FYB2: variants seen among roughly 807,000 people sequenced by gnomAD.
FYB2 encodes FYN-binding protein 2.
FYB2 carries 103 observed loss-of-function variants against 94.1 expected under a neutral mutation model. The observed-to-expected ratio is 1.09, with a 90% CI of 0.93 to 1.29. FYB2 has a LOEUF of 1.29. Among genes scored for constraint, FYB2 ranks in the 50% most tolerant of loss-of-function variants. FYB2 has a pLI of 0.00. For missense variants in FYB2, 896 were observed against 841.5 expected (o/e 1.06, Z -0.80); for synonymous variants, 293 against 287.9 (o/e 1.02, Z -0.18).
rs144625815 is a variant in FYB2, at chr1:56,763,172, G to A, written c.1064-4422C>T. 6.2e-3 allele frequency among the ~76,000 whole-genome samples: 944 copies of A among 152,206 alleles called. 9 individuals are homozygous for A. The highest frequency in any genetic ancestry group is 0.021 in the African/African-American group (874 of 41,524). On this transcript the variant is annotated intron_variant, in intron 5 of 19. Transcript: ENST00000343433. Reference sequence around the variant, plus strand: ...GCTGAATTCTATTTGCTAATATTTTGTTGAGGAGTTTTATGACTATGCTAA... The same window carrying A: ...GCTGAATTCTATTTGCTAATATTTTATTGAGGAGTTTTATGACTATGCTAA...
intron 2 of FYB2, among the ~76,000 whole-genome samples, chr1:56,791,394 T>G (rs1229324307): frequency 6.6e-6 from 1 of 152,098 alleles, no homozygotes; most frequent in Admixed American, 6.6e-5. Context: ...TAGCTGGGAT[T>G]ACAGGCACAG....
intron 1 of FYB2, among the ~76,000 whole-genome samples, chr1:56,817,754 T>C (rs1646916834): frequency 6.6e-6 from 1 of 152,252 alleles, no homozygotes; most frequent in African/African-American, 2.4e-5. Flanking sequence ...GTGAAAGTTA[T>C]ATAATCATAT....
Position 56,719,532 on chromosome 1 carries a change from T to G in FYB2, c.*139A>C, listed in dbSNP as rs1644445656. The stretch of plus-strand genomic sequence containing the variant: ...TGAGGATTTGTTTTTATTTTTCTCT[T>G]TTAAGTTCAGAACGAAAGTTTCCAC... On this transcript the variant is annotated 3_prime_UTR_variant, in exon 20 of 20. Coordinates refer to ENST00000343433, the MANE Select transcript of FYB2 (RefSeq NM_001004303.5). 2 of 708,570 alleles carry G rather than the reference T, an allele frequency of 2.8e-6. No homozygotes were observed. The highest frequency in any genetic ancestry group is 3.4e-5 in the Admixed American group (1 of 29,640). 43.9% of individuals were successfully genotyped at this position (708,570 alleles called of 1,614,324 possible).
upstream of FYB2, among the ~76,000 whole-genome samples, chr1:56,820,434 G>A (rs1646977845): frequency 6.6e-6 from 1 of 152,174 alleles, no homozygotes; most frequent in Non-Finnish European, 1.5e-5. Context: ...CCAGTTTTGG[G>A]GCTTTCAGCT....
intron 15 of FYB2, among the ~76,000 whole-genome samples, chr1:56,727,000 G>A (rs186651232): frequency 2.5e-4 from 38 of 151,748 alleles, no homozygotes; most frequent in African/African-American, 8.2e-4. Flanking sequence ...ACTCCATTGT[G>A]AAACAAGGCT....
chr1:56,808,665 T>C (rs1047471249), intron 1 of FYB2, among the ~76,000 whole-genome samples: 11 of 152,192 alleles, frequency 7.2e-5, no homozygotes, highest in Non-Finnish European at 1.3e-4. Context: ...GAAGCATCCT[T>C]GGCCCTTTGG....
At chr1:56,755,519 T>C (rs996003599) in intron 7 of FYB2, among the ~76,000 whole-genome samples, 3 of 152,054 alleles carry the variant, frequency 2.0e-5, no homozygotes, top group Non-Finnish European at 2.9e-5. Context: ...ATTTCAGAAA[T>C]TGTCAGTTCT....
In FYB2 at chr1:56,755,962, A is replaced by G. The variant is rs779363380; in HGVS notation, c.1099-35T>C. 2.0e-5 allele frequency: 31 copies of G among 1,579,194 alleles called. 1 individual carries two copies. The South Asian group carries it at 3.2e-4, about 16-fold the overall frequency. On this transcript the variant is annotated intron_variant, in intron 6 of 19. Coordinates refer to ENST00000343433, the MANE Select transcript of FYB2 (RefSeq NM_001004303.5). ...AAGTGGAAAATGGTTATTTTCATAAATCAACCTGAATCAGGCTCTGTTGTT... is the reference window on the plus strand; with the variant it reads ...AAGTGGAAAATGGTTATTTTCATAAGTCAACCTGAATCAGGCTCTGTTGTT...
intron 1 of FYB2, among the ~76,000 whole-genome samples, chr1:56,816,373 A>G (rs1003919782): frequency 3.9e-5 from 6 of 152,166 alleles, no homozygotes; most frequent in African/African-American, 1.4e-4. Flanking sequence ...GCCAGAAAGT[A>G]TTGGGGTAGA....
chr1:56,740,584 G>A, intron 13 of FYB2, 113 bp downstream of exon 13: 1 of 583,650 alleles, frequency 1.7e-6, no homozygotes, highest in Non-Finnish European at 2.9e-6. Context: ...CCAGACCCTT[G>A]GTTTTAGTTT....
At chr1:56,820,959 A>G (rs1275797202), upstream of FYB2, among the ~76,000 whole-genome samples, 8 of 152,112 alleles carry the variant, frequency 5.3e-5, no homozygotes, top group East Asian at 1.5e-3. Context: ...CACTTTCTTG[A>G]CTTCATGACT....
upstream of FYB2, among the ~76,000 whole-genome samples, chr1:56,823,415 T>C (rs756496099): frequency 6.6e-6 from 1 of 152,158 alleles, no homozygotes; most frequent in African/African-American, 2.4e-5. Flanking sequence ...GGACAATTCG[T>C]ATAAGGTATA....
chr1:56,728,435 A>T (rs1644630567), intron 15 of FYB2, among the ~76,000 whole-genome samples: 1 of 152,134 alleles, frequency 6.6e-6, no homozygotes, highest in Non-Finnish European at 1.5e-5. Context: ...TATGAAAGCC[A>T]CAGTCCCTAC....
At chr1:56,773,030 G>A (rs975794678) in intron 4 of FYB2, among the ~76,000 whole-genome samples, 2 of 152,092 alleles carry the variant, frequency 1.3e-5, no homozygotes, top group South Asian at 2.1e-4. Context: ...TGATATTTTC[G>A]ACATTATCTA....
intron 4 of FYB2, among the ~76,000 whole-genome samples, chr1:56,778,400 C>T (rs1381200557): frequency 6.6e-6 from 1 of 152,124 alleles, no homozygotes; most frequent in Non-Finnish European, 1.5e-5. Flanking sequence ...TGCTCAGTAC[C>T]CATTGCCTCA....
intron 1 of FYB2, among the ~76,000 whole-genome samples, chr1:56,816,424 T>A (rs760876961): frequency 2.6e-5 from 4 of 152,188 alleles, no homozygotes; most frequent in Non-Finnish European, 5.9e-5. Context: ...GAGTAAGTGT[T>A]CTCATAAATG....
At chr1:56,720,767 C>T (rs894573772) in intron 17 of FYB2, 5 of 154,242 alleles carry the variant, frequency 3.2e-5, no homozygotes, top group African/African-American at 7.2e-5. Flanking sequence ...TCTCCCTCCC[C>T]GCACCCTATC....
intron 1 of FYB2, among the ~76,000 whole-genome samples, chr1:56,805,442 TG>T (rs1205943797): frequency 6.6e-6 from 1 of 152,214 alleles, no homozygotes; most frequent in Non-Finnish European, 1.5e-5. Context: ...TAGCAGCTTG[TG>T]TATGTTGTCG....
intron 12 of FYB2, 25 bp downstream of exon 12, chr1:56,742,136 A>G (rs1644969221): frequency 1.3e-6 from 2 of 1,590,668 alleles, no homozygotes; most frequent in Non-Finnish European, 8.6e-7. Context: ...ATTAGCCTAC[A>G]AAGCCAAGAA....
Sources: gnomAD v4.1 joint callset for allele counts (sites outside exome capture counted in the v4.1 genomes callset) on GRCh38, gnomAD v4.1.1 for gene constraint, MANE v1.5 for transcripts, NCBI Gene and HGNC (gene_info 2026-07-23, HGNC 2026-07-21) for gene names.